The following HARS1 variants were observed in gnomAD, a reference collection of about 807,000 sequenced individuals.
The protein encoded by HARS1 is histidyl-tRNA synthetase 1.
A neutral mutation model predicts 63.6 loss-of-function variants in HARS1; 45 were observed. The ratio of observed to expected loss-of-function variants is 0.71; its 90% CI spans 0.56 to 0.91. The LOEUF is 0.91. Ranked by LOEUF, HARS1 falls within the 40% of genes least tolerant of loss-of-function variation. The pLI, the probability that HARS1 is intolerant of heterozygous loss-of-function variation, is 0.00. For missense variants in HARS1, 508 were observed against 643.2 expected, an observed-to-expected ratio of 0.79 and a Z score of 2.27; for synonymous variants, 205 against 247.1, an observed-to-expected ratio of 0.83 and a Z score of 1.60.
chr5:140,677,407 T>A lies in HARS1; in HGVS notation c.743A>T (p.Glu248Val), dbSNP rs1261330102. The A allele has an allele frequency of 1.2e-6, 2 of 1,613,216 alleles. No individual in the cohort carries two copies. Among genetic ancestry groups the A allele is most frequent in the Non-Finnish European group, 8.5e-7 (1 of 1,179,282 alleles). ...CTCTCCCACCATCTCATTCTTCACCTCTTCCCAGGACACCTAGGCAGACAG... is the reference window on the plus strand; with the variant it reads ...CTCTCCCACCATCTCATTCTTCACCACTTCCCAGGACACCTAGGCAGACAG... ...VDKLDKVSWEEVKNEMVGEKG... is the reference protein window; with the variant it reads ...VDKLDKVSWEVVKNEMVGEKG... Residue 248 changes from glutamate to valine, a missense_variant, in exon 8 of 13, where the codon GAG becomes GTG. Transcript: ENST00000504156.
rs186526524 is a variant in HARS1, at chr5:140,677,690, G to T, written c.694C>A (p.Arg232Ser). The T allele has an allele frequency of 6.2e-7, 1 of 1,611,846 alleles. No individual in the cohort carries two copies. The highest frequency in any genetic ancestry group is 2.2e-5 in the East Asian group (1 of 44,832). Residue 232 changes from arginine to serine, a missense_variant, in exon 7 of 13, where the codon CGT (arginine) becomes AGT (serine). By Grantham distance (110) the Arg-to-Ser change is moderately radical. This residue lies in a region of HARS1 where 403 missense variants were observed against 548.7 expected (regional missense o/e 0.73). Coordinates refer to ENST00000504156, the MANE Select transcript of HARS1 (RefSeq NM_002109.6). Reference sequence around the variant, plus strand: ...TTGTCTACTGAGGAGCAGATGGTACGGAACTTGCTGTCAGAAACACCACAG... The same window carrying T: ...TTGTCTACTGAGGAGCAGATGGTACTGAACTTGCTGTCAGAAACACCACAG... ...AICGVSDSKF[R>S]TICSSVDKLD... is the part of the protein sequence containing the mutation.
At chr5:140,688,307 G>A (rs887407481) in intron 2 of HARS1, among the ~76,000 whole-genome samples, 2 of 152,128 alleles carry the variant, frequency 1.3e-5, no homozygotes, top group Non-Finnish European at 2.9e-5. Context: ...ATAGAGAATA[G>A]TATTACAGGT....
chr5:140,691,352 C>A lies in HARS1; in HGVS notation c.-48G>T. 4 of 1,425,564 alleles carry A rather than the reference C, an allele frequency of 2.8e-6. No individual in the cohort carries two copies. Among genetic ancestry groups the A allele is most frequent in the South Asian group, 1.2e-5 (1 of 81,988 alleles). 88.3% of individuals were successfully genotyped at this position (1,425,564 alleles called of 1,614,324 possible). On this transcript the variant is annotated 5_prime_UTR_variant, in exon 1 of 13. Coordinates refer to ENST00000504156, the MANE Select transcript of HARS1 (RefSeq NM_002109.6). ...CTGCTGTCTCGACCTGCGGTGGTTG[C>A]CCCAGCCTCAGCAAGGATGACTTCC...
chr5:140,684,750 T>C (rs1193834789), intron 2 of HARS1: 5 of 152,228 alleles, frequency 3.3e-5, no homozygotes, highest in Admixed American at 6.5e-5. Context: ...TTTACTGTAT[T>C]AGAATTAGAA....
In HARS1 at chr5:140,678,029, GT is replaced by G; in HGVS notation, c.523-15del. 1 of 1,442,704 alleles carries G rather than the reference GT, an allele frequency of 6.9e-7. No homozygotes were observed. The highest frequency in any genetic ancestry group is 9.8e-7 in the Non-Finnish European group (1 of 1,023,950). The allele number at this position is 1,442,704 out of a possible 1,614,324, so 89.4% of individuals were successfully genotyped here. A position where few individuals can be genotyped will look rare whatever the true frequency, so the allele number is the denominator to read the frequency against. On this transcript the variant is annotated splice_polypyrimidine_tract_variant and intron_variant, in intron 5 of 12. Coordinates refer to ENST00000504156, the MANE Select transcript of HARS1 (RefSeq NM_002109.6). ...AATGTCAAAATCCTGCAGGGAGAGG[GT>G]TAGCCAGCGGTCTTCAGGGATTCAC...
chr5:140,690,806 G>T, intron 2 of HARS1, 49 bp downstream of exon 2: 1 of 1,025,852 alleles, frequency 9.7e-7, no homozygotes, highest in South Asian at 1.3e-5. Context: ...AGCGCCCCGT[G>T]AGTAGAGTTA....
At position 140,679,005 on chromosome 5, in the gene HARS1, C is replaced by A. The variant is rs1131045; in HGVS notation, c.519G>T (p.Gln173His). The A allele has an allele frequency of 6.2e-7, 1 of 1,613,836 alleles. No individual in the cohort carries two copies. Among genetic ancestry groups the A allele is most frequent in the Non-Finnish European group, 8.5e-7 (1 of 1,179,804 alleles). ...CCCACGGTTTCCCAACACTCACACA[C>A]TGGTAGAATTCCCGGTATCGGCCAC... Reference protein sequence around the residue: ...MTRGRYREFYQCDFDIAGNFD... With the variant: ...MTRGRYREFYHCDFDIAGNFD... The change falls in exon 5 of 13, where the codon CAG becomes CAT. Residue 173 changes from glutamine to histidine, a missense_variant. By Grantham distance (24) the Gln-to-His change is conservative. Around this residue, in one of 2 missense-constraint regions of HARS1, gnomAD observed 403 missense variants for 548.7 expected, o/e 0.73. Coordinates refer to ENST00000504156, the MANE Select transcript of HARS1 (RefSeq NM_002109.6). The surrounding 1 kb of genome is among the most constrained non-coding windows in gnomAD (Gnocchi z 4.3).
chr5:140,688,181 C>T (rs1398883637), intron 2 of HARS1, among the ~76,000 whole-genome samples: 1 of 152,110 alleles, frequency 6.6e-6, no homozygotes, highest in Non-Finnish European at 1.5e-5. Context: ...CCATGAAGAT[C>T]CCTTGAAAGA....
chr5:140,689,556 C>A (rs1312592366), intron 2 of HARS1, among the ~76,000 whole-genome samples: 1 of 152,168 alleles, frequency 6.6e-6, no homozygotes, highest in Non-Finnish European at 1.5e-5. Flanking sequence ...CTTGTGGCCT[C>A]CCAAAGTGCT....
chr5:140,677,869 C>CAA, intron 6 of HARS1, 39 bp downstream of exon 6: 1 of 1,459,664 alleles, frequency 6.9e-7, no homozygotes, highest in Middle Eastern at 1.7e-4. Flanking sequence ...TGTGAGAGGC[C>CAA]AGGCCCAACT....
Position 140,682,225 on chromosome 5 carries a change from A to AT in HARS1, c.300+874dup, listed in dbSNP as rs558666140. On this transcript the variant is annotated intron_variant, in intron 3 of 12. Transcript: ENST00000504156. ...TAGCAAGACCTCTGTCTCTATTTGT[A>AT]TTTTTTTTTTTTAAAAAGGAATTAA... Among the ~76,000 whole-genome samples the AT allele has an allele frequency of 2.8e-3, 422 of 148,650 alleles. 1 individual carries two copies. The highest frequency in any genetic ancestry group is 9.3e-3 in the African/African-American group (379 of 40,634).
At chr5:140,686,485 C>T (rs1759038889) in intron 2 of HARS1, among the ~76,000 whole-genome samples, 1 of 152,104 alleles carries the variant, frequency 6.6e-6, no homozygotes, top group Admixed American at 6.6e-5. Context: ...GTGATCCGCC[C>T]ACCTTGGTCT....
At position 140,674,085 on chromosome 5, in the gene HARS1, G is replaced by C. The variant is rs1758198873; in HGVS notation, c.*172C>G. On this transcript the variant is annotated 3_prime_UTR_variant, in exon 13 of 13. Coordinates refer to ENST00000504156, the MANE Select transcript of HARS1 (RefSeq NM_002109.6). ...AAAGGTGTTGTACCTGGCCGTTTTT[G>C]CCAGTAATAATCAATAAAATAACCA... The C allele has an allele frequency of 3.0e-6, 2 of 663,340 alleles. No individual in the cohort carries two copies. The highest frequency in any genetic ancestry group is 5.6e-6 in the Non-Finnish European group (2 of 360,114). The allele number at this position is 663,340 out of a possible 1,614,324, so 41.1% of individuals were successfully genotyped here.
intron 2 of HARS1, among the ~76,000 whole-genome samples, chr5:140,687,188 G>A (rs1185843374): frequency 1.3e-5 from 2 of 152,066 alleles, no homozygotes; most frequent in Non-Finnish European, 2.9e-5. Flanking sequence ...TTTTGTCATA[G>A]CAAATATTTA....
At position 140,691,363 on chromosome 5, in the gene HARS1, G is replaced by A. The variant is rs1338644811; in HGVS notation, c.-59C>T. On this transcript the variant is annotated 5_prime_UTR_variant, in exon 1 of 13. Transcript: ENST00000504156. ...ACCTGCGGTGGTTGCCCCAGCCTCA[G>A]CAAGGATGACTTCCGGCTATCGAGT... The A allele has an allele frequency of 7.6e-7, 1 of 1,321,762 alleles. No homozygotes were observed. The highest frequency in any genetic ancestry group is 1.1e-6 in the Non-Finnish European group (1 of 951,594). The allele number at this position is 1,321,762 out of a possible 1,614,324, so 81.9% of individuals were successfully genotyped here.
intron 10 of HARS1, 104 bp from the exon 11 acceptor site, chr5:140,675,237 A>G: frequency 1.3e-6 from 1 of 755,646 alleles, no homozygotes; most frequent in East Asian, 2.4e-5. Flanking sequence ...CAGCTCTACC[A>G]GGGCAGGGGC....
chr5:140,690,880 T>C lies in HARS1; in HGVS notation c.155A>G (p.Gln52Arg). 6.2e-7 allele frequency: 1 copy of C among 1,605,322 alleles called. No homozygotes were observed. Among genetic ancestry groups the C allele is most frequent in the African/African-American group, 1.3e-5 (1 of 74,876 alleles). The part of the protein sequence containing the change: ...KAQLGPDESK[Q>R]KFVLKTPKGT... ...CTTGGGGGTTTTGAGCACAAATTTC[T>C]GTTTGCTTTCATCAGGACCCAGCTG... Residue 52 changes from glutamine (Q) to arginine (R), a missense_variant, in exon 2 of 13, where the codon CAG becomes CGG. This residue lies in a region of HARS1 where 105 missense variants were observed against 94.5 expected (regional missense o/e 1.11). Transcript: ENST00000504156.
intron 5 of HARS1, 65 bp downstream of exon 5, chr5:140,678,937 T>C (rs1302514642): frequency 1.9e-6 from 3 of 1,559,938 alleles, no homozygotes; most frequent in Non-Finnish European, 2.6e-6. Context: ...GAGTACTCAA[T>C]AGATTCTGCT....
Position 140,677,331 on chromosome 5 carries a change from T to C in HARS1, c.819A>G (p.Gln273=), listed in dbSNP as rs372436915. Residue 273 remains glutamine (Q), a synonymous_variant, in exon 8 of 13, where the codon CAA becomes CAG. Coordinates refer to ENST00000504156, the MANE Select transcript of HARS1 (RefSeq NM_002109.6). The part of the protein sequence containing the change: ...VADRIGDYVQ[Q]HGGVSLVEQL... ...AGGCTTGGTTCTGTTCCTCACCATG[T>C]TGCTGGACATAGTCCCCAATGCGGT... The C allele has an allele frequency of 5.6e-6, 9 of 1,609,680 alleles. No individual in the cohort carries two copies. In the African/African-American group the frequency reaches 1.1e-4, roughly 19 times the overall value.
Sources: gnomAD v4.1 joint callset for allele counts (sites outside exome capture counted in the v4.1 genomes callset) on GRCh38, gnomAD v4.1.1 for gene constraint, gnomAD v4.1.1 regional missense constraint, Gnocchi (gnomAD v3.1) non-coding constraint, MANE v1.5 for transcripts, NCBI Gene and HGNC (gene_info 2026-07-23, HGNC 2026-07-21) for gene names.